NPL: variants seen among roughly 807,000 people sequenced by gnomAD.
The protein encoded by NPL is N-acetylneuraminate lyase.
A neutral mutation model predicts 41.1 loss-of-function variants in NPL; 32 were observed. The observed-to-expected ratio is 0.78, with a 90% CI of 0.59 to 1.05. The LOEUF is 1.05. Among genes scored for constraint, NPL ranks in the 50% least tolerant of loss-of-function variants. The pLI is 0.00. For missense variants in NPL, 321 were observed against 378.4 expected, an observed-to-expected ratio of 0.85 and a Z score of 1.26; for synonymous variants, 128 against 134.9, an observed-to-expected ratio of 0.95 and a Z score of 0.35.
At chr1:182,825,244 T>C (rs752016227) in intron 11 of NPL, among the ~76,000 whole-genome samples, 2 of 152,208 alleles carry the variant, frequency 1.3e-5, no homozygotes, top group African/African-American at 2.4e-5. Context: ...CTTTATTTTT[T>C]TTCAAAAGTA....
chr1:182,826,228 CAG>C (rs1433415369), intron 12 of NPL: 41 of 234,190 alleles, frequency 1.8e-4, no homozygotes, highest in African/African-American at 6.6e-4. Flanking sequence ...ACAATTTAAA[CAG>C]AGTTTATTAA....
chr1:182,794,226 G>A lies in NPL; in HGVS notation c.-16-130G>A, dbSNP rs1477831614. On this transcript the variant is annotated intron_variant, in intron 2 of 12. Coordinates refer to ENST00000367553, the MANE Select transcript of NPL (RefSeq NM_030769.3). The stretch of plus-strand genomic sequence containing the variant: ...TTAAGCACTAAAATTTTACCATCTT[G>A]TACTTGCTCTGTGTGTTTGTGTACT... 10 of 834,968 alleles carry A rather than the reference G, an allele frequency of 1.2e-5. No homozygotes were observed. In the East Asian group the frequency reaches 2.4e-4, roughly 20 times the overall value. 51.7% of individuals were successfully genotyped at this position (834,968 alleles called of 1,614,324 possible). A position where few individuals can be genotyped will look rare whatever the true frequency, so the allele number is the denominator to read the frequency against.
chr1:182,798,862 C>T (rs1324138940), intron 3 of NPL, among the ~76,000 whole-genome samples: 2 of 152,194 alleles, frequency 1.3e-5, no homozygotes, highest in Non-Finnish European at 2.9e-5. Flanking sequence ...TGCCTGCCTC[C>T]CTGCTGAAAG....
chr1:182,829,164 T>C lies in NPL; in HGVS notation c.*256T>C. 7.5e-7 allele frequency: 1 copy of C among 1,337,176 alleles called. No individual in the cohort carries two copies. The highest frequency in any genetic ancestry group is 9.6e-7 in the Non-Finnish European group (1 of 1,045,952). The allele number at this position is 1,337,176 out of a possible 1,614,324, so 82.8% of individuals were successfully genotyped here. ...GAAATTTCTGTTTATATGGATGAAA[T>C]GGAATCAAGAGGAAAATTGTAATTG... On this transcript the variant is annotated 3_prime_UTR_variant, in exon 13 of 13. Coordinates refer to ENST00000367553, the MANE Select transcript of NPL (RefSeq NM_030769.3).
intron 3 of NPL, among the ~76,000 whole-genome samples, chr1:182,795,525 C>T (rs1666636376): frequency 6.6e-6 from 1 of 152,120 alleles, no homozygotes; most frequent in Admixed American, 6.6e-5. Flanking sequence ...TGAAATTTCT[C>T]ATGTCTTTTA....
intron 2 of NPL, among the ~76,000 whole-genome samples, chr1:182,793,947 G>A (rs775236794): frequency 6.6e-6 from 1 of 152,176 alleles, no homozygotes; most frequent in Non-Finnish European, 1.5e-5. Context: ...TGTGACTTGA[G>A]TAGGCATGGA....
Position 182,800,725 on chromosome 1 carries a change from C to CTT in NPL, c.69-2952_69-2951dup, listed in dbSNP as rs56908108. Reference sequence around the variant, plus strand: ...CAGCTGTATGGAAATGTAGCCCTGGCTTTTTTTTTTTTTTTTTTTTTTGAG... The same window carrying CTT: ...CAGCTGTATGGAAATGTAGCCCTGGCTTTTTTTTTTTTTTTTTTTTTTTTGAG... On this transcript the variant is annotated intron_variant, in intron 3 of 12. Coordinates refer to ENST00000367553, the MANE Select transcript of NPL (RefSeq NM_030769.3). Among the ~76,000 whole-genome samples the CTT allele has an allele frequency of 9.0e-3, 912 of 101,668 alleles. 2 individuals are homozygous for CTT. Among genetic ancestry groups the CTT allele is most frequent in the Non-Finnish European group, 0.012 (646 of 53,038 alleles). 66.7% of individuals were successfully genotyped at this position (101,668 alleles called of 152,430 possible). A position where few individuals can be genotyped will look rare whatever the true frequency, so the allele number is the denominator to read the frequency against.
At chr1:182,793,874 A>G (rs2102524485) in intron 2 of NPL, among the ~76,000 whole-genome samples, 1 of 152,308 alleles carries the variant, frequency 6.6e-6, no homozygotes, top group South Asian at 2.1e-4. Context: ...TCAACCAAAT[A>G]CGGATAGAAA....
At chr1:182,799,753 A>AG (rs1469206449) in intron 3 of NPL, among the ~76,000 whole-genome samples, 3 of 147,768 alleles carry the variant, frequency 2.0e-5, no homozygotes, top group Non-Finnish European at 4.5e-5. Context: ...AAAAAAAAAA[A>AG]GCCCCAAGGC....
At position 182,803,773 on chromosome 1, in the gene NPL, T is replaced by G. The variant is rs781202082; in HGVS notation, c.142+2T>G. ...AACAGGGAGTGAAGAACATTTTTGG[T>G]AAGTCAACTCTGGGGATGTCGCTGC... On this transcript the variant is annotated splice_donor_variant, in intron 4 of 12. Transcript: ENST00000367553. LOFTEE classifies it high-confidence loss of function. 6.2e-7 allele frequency: 1 copy of G among 1,602,814 alleles called. No individual in the cohort carries two copies. The highest frequency in any genetic ancestry group is 8.5e-7 in the Non-Finnish European group (1 of 1,169,750).
At chr1:182,800,435 CAAAA>C (rs1053733197) in intron 3 of NPL, among the ~76,000 whole-genome samples, 29 of 51,602 alleles carry the variant, frequency 5.6e-4, no homozygotes, top group Non-Finnish European at 8.8e-4. Flanking sequence ...GACCCTGTCT[CAAAA>C]AAAAAAAAAA....
intron 5 of NPL, chr1:182,809,173 C>T (rs550387472): frequency 4.6e-6 from 2 of 431,544 alleles, no homozygotes; most frequent in African/African-American, 2.0e-5. Flanking sequence ...GATGCTTTCA[C>T]CCCATTTTAA....
At chr1:182,800,296 C>T (rs1028382904) in intron 3 of NPL, among the ~76,000 whole-genome samples, 7 of 151,812 alleles carry the variant, frequency 4.6e-5, no homozygotes, top group African/African-American at 9.7e-5. Flanking sequence ...ATTAGCTGGG[C>T]GTTGTGGCAC....
rs377496748 is a variant in NPL at position 182,804,273 on chromosome 1, G to A, written c.142+502G>A. On this transcript the variant is annotated intron_variant, in intron 4 of 12. Transcript: ENST00000367553. The stretch of plus-strand genomic sequence containing the variant: ...CCTCCTGGGTAGCCGGACTATAGGC[G>A]CACACCACCACACCTGGCTAATTTT... Among the ~76,000 whole-genome samples, 10 of 152,144 alleles carry A rather than the reference G, an allele frequency of 6.6e-5. No individual in the cohort carries two copies. The South Asian group carries it at 8.3e-4, about 13-fold the overall frequency.
intron 3 of NPL, among the ~76,000 whole-genome samples, chr1:182,797,331 C>T (rs1319208948): frequency 6.6e-6 from 1 of 152,160 alleles, no homozygotes; most frequent in African/African-American, 2.4e-5. Flanking sequence ...CCAGTTGCTC[C>T]ACCACCATGG....
chr1:182,827,725 TTC>T (rs1469281771), intron 12 of NPL, among the ~76,000 whole-genome samples: 2 of 152,248 alleles, frequency 1.3e-5, no homozygotes, highest in Non-Finnish European at 2.9e-5. Context: ...TTTCAGAATT[TTC>T]TGTCATCTAC....
intron 6 of NPL, 83 bp downstream of exon 6, chr1:182,812,296 T>A (rs1462702607): frequency 1.7e-6 from 2 of 1,175,050 alleles, no homozygotes; most frequent in Non-Finnish European, 2.5e-6. Context: ...CTATATTTGC[T>A]ATGTAGTAGA....
chr1:182,790,191 T>C (rs1666460765), intron 1 of NPL, among the ~76,000 whole-genome samples: 1 of 152,180 alleles, frequency 6.6e-6, no homozygotes, highest in Admixed American at 6.5e-5. Context: ...CCTATTTGTA[T>C]CTCCTCTTCT....
At chr1:182,812,089 A>G in intron 5 of NPL, 67 bp from the exon 6 acceptor site, 4 of 1,496,060 alleles carry the variant, frequency 2.7e-6, no homozygotes, top group East Asian at 2.3e-5. Context: ...AGCACAAACC[A>G]GGATAGTGCA....
Sources: gnomAD v4.1 joint callset for allele counts (sites outside exome capture counted in the v4.1 genomes callset) on GRCh38, gnomAD v4.1.1 for gene constraint, MANE v1.5 for transcripts, NCBI Gene and HGNC (gene_info 2026-07-23, HGNC 2026-07-21) for gene names.